KRT222: variants seen among roughly 807,000 people sequenced by gnomAD.
KRT222 encodes the protein keratin 222, also known as keratin-like protein KRT222.
A neutral mutation model predicts 35.0 loss-of-function variants in KRT222; 23 were observed. The ratio of observed to expected loss-of-function variants is 0.66; its 90% CI spans 0.47 to 0.93. KRT222 has a LOEUF of 0.93. Among genes scored for constraint, KRT222 ranks in the 40% least tolerant of loss-of-function variants. KRT222 has a pLI of 0.00. For missense variants in KRT222, 339 were observed against 346.3 expected (o/e 0.98, Z 0.17); for synonymous variants, 108 against 118.8 (o/e 0.91, Z 0.59).
In KRT222 at chr17:40,665,106, C is replaced by T. The variant is rs1490824398; in HGVS notation, c.-7G>A. ...GTAGCTGGGACAGTTCCATTCTTTTCCCATCCTCCACCTTGGCTAACTGAA... is the reference window on the plus strand; with the variant it reads ...GTAGCTGGGACAGTTCCATTCTTTTTCCATCCTCCACCTTGGCTAACTGAA... On this transcript the variant is annotated 5_prime_UTR_variant, in exon 1 of 6. Transcript: ENST00000394052. 3 of 1,613,546 alleles carry T rather than the reference C, an allele frequency of 1.9e-6. No individual in the cohort carries two copies. The highest frequency in any genetic ancestry group is 2.2e-5 in the East Asian group (1 of 44,878).
At position 40,657,716 on chromosome 17, in the gene KRT222, T is replaced by G; in HGVS notation, c.481A>C (p.Lys161Gln). ...YGCIQGGKKD[K>Q]KPTTSRVGFV... ...CCAACTCTACTTGTGGTAGGCTTTT[T>G]GTCTTTTTTCCCACCTTGGATACAA... is the stretch of plus-strand genomic sequence containing the variant. Residue 161 changes from lysine (K) to glutamine (Q), a missense_variant, in exon 4 of 6, where the codon AAA becomes CAA. Coordinates refer to ENST00000394052, the MANE Select transcript of KRT222 (RefSeq NM_152349.3). 1 of 1,613,054 alleles carries G rather than the reference T, an allele frequency of 6.2e-7. No individual in the cohort carries two copies. The highest frequency in any genetic ancestry group is 8.5e-7 in the Non-Finnish European group (1 of 1,179,422).
chr17:40,665,143 G>A lies in KRT222; in HGVS notation c.-44C>T. ...CTTGGCTAACTGAACCTTATCGATA[G>A]GATGAGTCGCTGCGGCAGTCTGCTC... On this transcript the variant is annotated 5_prime_UTR_variant, in exon 1 of 6. Transcript: ENST00000394052. 1 of 1,580,896 alleles carries A rather than the reference G, an allele frequency of 6.3e-7. No homozygotes were observed. Among genetic ancestry groups the A allele is most frequent in the Non-Finnish European group, 8.7e-7 (1 of 1,151,518 alleles).
intron 5 of KRT222, among the ~76,000 whole-genome samples, chr17:40,656,903 T>A (rs2037348635): frequency 6.6e-6 from 1 of 152,134 alleles, no homozygotes; most frequent in Non-Finnish European, 1.5e-5. Context: ...TATGTATATA[T>A]GTCAGATTAA....
chr17:40,658,887 T>C (rs911031430), intron 3 of KRT222, among the ~76,000 whole-genome samples: 4 of 152,224 alleles, frequency 2.6e-5, no homozygotes, highest in African/African-American at 7.2e-5. Context: ...TTTTGATATC[T>C]TTTCCTATCA....
chr17:40,661,213 G>A (rs1397586225), intron 2 of KRT222, among the ~76,000 whole-genome samples: 3 of 151,476 alleles, frequency 2.0e-5, no homozygotes, highest in South Asian at 2.1e-4. Context: ...GATTACAGGC[G>A]TGAGCAACTG....
At position 40,657,334 on chromosome 17, in the gene KRT222, C is replaced by A; in HGVS notation, c.659+18G>T. The A allele has an allele frequency of 6.7e-7, 1 of 1,488,600 alleles. No individual in the cohort carries two copies. The highest frequency in any genetic ancestry group is 1.4e-5 in the South Asian group (1 of 69,518). The allele number at this position is 1,488,600 out of a possible 1,614,324, so 92.2% of individuals were successfully genotyped here. On this transcript the variant is annotated intron_variant, in intron 5 of 5. Transcript: ENST00000394052. ...CATATATTTATTATTATTTCTTAGT[C>A]AAAGTTTCTTTACTTACTGAATAGT... is the stretch of plus-strand genomic sequence containing the variant.
In KRT222 at chr17:40,665,042, T is replaced by C; in HGVS notation, c.58A>G (p.Arg20Gly). The C allele has an allele frequency of 6.2e-7, 1 of 1,614,122 alleles. No homozygotes were observed. Among genetic ancestry groups the C allele is most frequent in the Non-Finnish European group, 8.5e-7 (1 of 1,179,988 alleles). The change falls in exon 1 of 6, where the codon AGA becomes GGA. Residue 20 changes from arginine to glycine, a missense_variant. By Grantham distance (125) the Arg-to-Gly change is moderately radical. Coordinates refer to ENST00000394052, the MANE Select transcript of KRT222 (RefSeq NM_152349.3). ...GAGAGCACCGTCTCTATCTGATTTC[T>C]GGTGAGGATCTTTTCATAGTTTGCC... ...IRANYEKILT[R>G]NQIETVLSTR... is the part of the protein sequence containing the mutation.
chr17:40,658,012 T>C (rs1364054595), intron 3 of KRT222, among the ~76,000 whole-genome samples: 1 of 152,084 alleles, frequency 6.6e-6, no homozygotes, highest in African/African-American at 2.4e-5. Flanking sequence ...CATATTACCA[T>C]AAATAAATGT....
chr17:40,662,455 A>G (rs959649091), intron 1 of KRT222, among the ~76,000 whole-genome samples: 2 of 152,222 alleles, frequency 1.3e-5, no homozygotes, highest in African/African-American at 2.4e-5. Flanking sequence ...AGAAGCAGAT[A>G]AACAGCCGTA....
At position 40,656,558 on chromosome 17, in the gene KRT222, T is replaced by A; in HGVS notation, c.732A>T (p.Lys244Asn). 6.2e-7 allele frequency: 1 copy of A among 1,613,888 alleles called. No individual in the cohort carries two copies. Among genetic ancestry groups the A allele is most frequent in the East Asian group, 2.2e-5 (1 of 44,830 alleles). ...SFFKDNPRLR[K>N]KSVSLRFDLH... ...GATCAAATCGAAGAGAAACAGACTT[T>A]TTCCTCAATCGAGGGTTATCTTTAA... Residue 244 changes from lysine (K) to asparagine (N), a missense_variant, in exon 6 of 6, where the codon AAA (lysine) becomes AAT (asparagine). Transcript: ENST00000394052.
At chr17:40,660,244 A>C in intron 2 of KRT222, 37 bp from the exon 3 acceptor site, 1 of 1,527,790 alleles carries the variant, frequency 6.5e-7, no homozygotes, top group Non-Finnish European at 8.9e-7. Flanking sequence ...AATCAGTAAC[A>C]CAGAATGTGT....
chr17:40,657,815 G>A, intron 3 of KRT222, 65 bp from the exon 4 acceptor site: 1 of 1,083,002 alleles, frequency 9.2e-7, no homozygotes, highest in South Asian at 1.3e-5. Context: ...AAACAAACAG[G>A]AGAATGGATA....
Position 40,656,453 on chromosome 17 carries a change from C to G in KRT222, c.837G>C (p.Met279Ile). ...NLPDIEVRLI[M>I]RRSCSIPSIK... is the part of the protein sequence containing the mutation. Reference sequence around the variant, plus strand: ...TAGAGGGAATACTGCATGATCTTCTCATGATAAGCCTGACTTCTATATCTG... The same window carrying G: ...TAGAGGGAATACTGCATGATCTTCTGATGATAAGCCTGACTTCTATATCTG... Residue 279 changes from methionine to isoleucine, a missense_variant, in exon 6 of 6, where the codon ATG (methionine) becomes ATC (isoleucine). Physicochemically the swap from Met to Ile is conservative, Grantham distance 10. Coordinates refer to ENST00000394052, the MANE Select transcript of KRT222 (RefSeq NM_152349.3). The G allele has an allele frequency of 6.2e-7, 1 of 1,613,902 alleles. No individual in the cohort carries two copies. Among genetic ancestry groups the G allele is most frequent in the Non-Finnish European group, 8.5e-7 (1 of 1,179,870 alleles).
chr17:40,657,574 T>G lies in KRT222; in HGVS notation c.524-87A>C, dbSNP rs530179847. 2.6e-3 allele frequency: 3,603 copies of G among 1,400,224 alleles called. 9 individuals are homozygous for G. Among genetic ancestry groups the G allele is most frequent in the Non-Finnish European group, 3.2e-3 (3,373 of 1,058,816 alleles). 86.7% of individuals were successfully genotyped at this position (1,400,224 alleles called of 1,614,324 possible). ...ATTCAAACTTTTATTCAAATATTGC[T>G]TGTTTTTTTTCGACTTTAAAGTATT... On this transcript the variant is annotated intron_variant, in intron 4 of 5. Transcript: ENST00000394052.
At chr17:40,664,789 G>T in intron 1 of KRT222, 1 of 686,298 alleles carries the variant, frequency 1.5e-6, no homozygotes, top group Non-Finnish European at 2.3e-6. Context: ...AAAATCAAAT[G>T]CATCAATCAA....
intron 1 of KRT222, 66 bp from the exon 2 acceptor site, chr17:40,662,110 T>C: frequency 6.4e-7 from 1 of 1,574,178 alleles, no homozygotes; most frequent in East Asian, 2.2e-5. Flanking sequence ...AAATGAGATG[T>C]GTAAAAGCAA....
rs2037341200 is a variant in KRT222, at chr17:40,656,000, T to G, written c.*402A>C. The G allele has an allele frequency of 6.4e-6, 1 of 156,374 alleles. No individual in the cohort carries two copies. The highest frequency in any genetic ancestry group is 1.4e-5 in the Non-Finnish European group (1 of 70,968). The allele number at this position is 156,374 out of a possible 1,614,324, so 9.7% of individuals were successfully genotyped here. On this transcript the variant is annotated 3_prime_UTR_variant, in exon 6 of 6. Transcript: ENST00000394052. Reference sequence around the variant, plus strand: ...AATGGTGAATAACTCAGTGTGACTCTTAACACAATCCTATTCAAACAATTC... The same window carrying G: ...AATGGTGAATAACTCAGTGTGACTCGTAACACAATCCTATTCAAACAATTC...
At chr17:40,656,668 T>C (rs1168737593) in intron 5 of KRT222, 38 bp from the exon 6 acceptor site, 7 of 1,148,642 alleles carry the variant, frequency 6.1e-6, no homozygotes, top group South Asian at 4.0e-5. Context: ...AATGAAGAAG[T>C]ATGGGTCTAT....
chr17:40,660,020 G>A lies in KRT222; in HGVS notation c.413C>T (p.Thr138Ile). The part of the protein sequence containing the change: ...TKMRLEQEIA[T>I]YRHLLEKEEI... ...TTCTTTTTCTAGGAGGTGGCGATAA[G>A]TTGCTATTTCTTGTTCCAGCCTCAT... The change falls in exon 3 of 6, where the codon ACT becomes ATT. Residue 138 changes from threonine to isoleucine, a missense_variant. Transcript: ENST00000394052. 6.2e-7 allele frequency: 1 copy of A among 1,614,124 alleles called. No individual in the cohort carries two copies. Among genetic ancestry groups the A allele is most frequent in the Non-Finnish European group, 8.5e-7 (1 of 1,180,024 alleles).
Sources: allele counts gnomAD v4.1 joint callset (sites outside exome capture counted in the v4.1 genomes callset), GRCh38; gene constraint gnomAD v4.1.1; transcripts MANE v1.5; gene names NCBI Gene and HGNC (gene_info 2026-07-23, HGNC 2026-07-21).